PDE11A: variants seen among roughly 807,000 people sequenced by gnomAD.
PDE11A encodes the protein dual 3',5'-cyclic-AMP and -GMP phosphodiesterase 11A.
In PDE11A, 100 loss-of-function variants were observed where a neutral mutation model predicts 100.5. The observed-to-expected ratio is 1.00, with a 90% CI of 0.85 to 1.18. PDE11A has a LOEUF of 1.18. Ranked by LOEUF, PDE11A falls within the 50% of genes most tolerant of loss-of-function variation. The pLI is 0.00. For missense variants in PDE11A, 1,141 were observed against 1,152.6 expected (o/e 0.99, Z 0.15); for synonymous variants, 381 against 420.8 (o/e 0.91, Z 1.16).
Position 177,824,750 on chromosome 2 carries a change from C to T in PDE11A, c.1501-4455G>A, listed in dbSNP as rs1051710033. ...GCAGTTGGTTAAGTAAATCATAGCA[C>T]ATTCACATAACAGAATATTATGCAT... On this transcript the variant is annotated intron_variant, in intron 6 of 19. Transcript: ENST00000286063. Among the ~76,000 whole-genome samples, 8 of 152,116 alleles carry T rather than the reference C, an allele frequency of 5.3e-5. 1 individual carries two copies. The South Asian group carries it at 1.7e-3, about 32-fold the overall frequency.
At chr2:177,700,402 CA>C (rs3056937) in intron 14 of PDE11A, among the ~76,000 whole-genome samples, 26,894 of 144,664 alleles carry the variant, frequency 0.19, 2,415 homozygotes, top group Middle Eastern at 0.32. Flanking sequence ...TTCCTGGCCT[CA>C]AAAAAAAAAA....
intron 13 of PDE11A, among the ~76,000 whole-genome samples, chr2:177,708,905 A>G (rs1392135036): frequency 1.3e-5 from 2 of 152,236 alleles, no homozygotes; most frequent in Non-Finnish European, 2.9e-5. Context: ...CAACCAGGGC[A>G]TAGGAAATTG....
At chr2:177,857,188 C>T (rs2083851151) in intron 5 of PDE11A, among the ~76,000 whole-genome samples, 1 of 151,914 alleles carries the variant, frequency 6.6e-6, no homozygotes, top group Non-Finnish European at 1.5e-5. Context: ...ACCAAGAATT[C>T]TATATCCACT....
chr2:177,709,906 C>T (rs139483666), intron 13 of PDE11A, among the ~76,000 whole-genome samples: 10 of 152,194 alleles, frequency 6.6e-5, no homozygotes, highest in East Asian at 1.9e-4. Context: ...TGATTGGAAC[C>T]GGAAGCCATG....
In PDE11A at chr2:177,750,376, CTGAGA is replaced by C. The variant is rs150941662; in HGVS notation, c.1788+18942_1788+18946del. On this transcript the variant is annotated intron_variant, in intron 10 of 19. Transcript: ENST00000286063. ...AAAGTGACTTGCTCTTTGGAAATTC[CTGAGA>C]TAAGTCTTTATTGCAACTATTATTT... 1.9e-3 allele frequency among the ~76,000 whole-genome samples: 283 copies of C among 152,340 alleles called. 1 individual carries two copies. The highest frequency in any genetic ancestry group is 6.2e-3 in the African/African-American group (256 of 41,572).
intron 19 of PDE11A, among the ~76,000 whole-genome samples, chr2:177,644,027 T>A (rs570470609): frequency 6.6e-6 from 1 of 152,206 alleles, no homozygotes; most frequent in Non-Finnish European, 1.5e-5. Flanking sequence ...CAGAAGGAAG[T>A]CTTCTGCAGG....
At position 177,711,027 on chromosome 2, in the gene PDE11A, C is replaced by T. The variant is rs1010327076; in HGVS notation, c.2153+742G>A. Reference sequence around the variant, plus strand: ...AGGCAGACAGTGAAAGAAACATTAACGGCAGACTCTCAATATACAAGTCAG... The same window carrying T: ...AGGCAGACAGTGAAAGAAACATTAATGGCAGACTCTCAATATACAAGTCAG... On this transcript the variant is annotated intron_variant, in intron 13 of 19. Transcript: ENST00000286063. 4.6e-5 allele frequency among the ~76,000 whole-genome samples: 7 copies of T among 152,308 alleles called. No homozygotes were observed. The East Asian group carries it at 7.7e-4, about 17-fold the overall frequency.
At chr2:177,693,700 A>G (rs982152601) in intron 15 of PDE11A, among the ~76,000 whole-genome samples, 1 of 152,214 alleles carries the variant, frequency 6.6e-6, no homozygotes, top group Non-Finnish European at 1.5e-5. Flanking sequence ...TGATTCTTCC[A>G]TTAGAGAGGG....
At chr2:178,106,120 T>G (rs1319688335) in intron 1 of PDE11A, among the ~76,000 whole-genome samples, 1 of 152,228 alleles carries the variant, frequency 6.6e-6, no homozygotes, top group Non-Finnish European at 1.5e-5. Flanking sequence ...TTAACTACAA[T>G]TCATAAATTG....
chr2:177,985,929 C>G (rs930220006), intron 2 of PDE11A, among the ~76,000 whole-genome samples: 2 of 152,172 alleles, frequency 1.3e-5, no homozygotes, highest in African/African-American at 4.8e-5. Context: ...TGATCTTTAA[C>G]CAAAACCCTT....
chr2:177,728,614 C>T (rs1417221721), intron 10 of PDE11A, among the ~76,000 whole-genome samples: 1 of 152,130 alleles, frequency 6.6e-6, no homozygotes, highest in Admixed American at 6.5e-5. Context: ...TTTCTTATAT[C>T]CTTATATCCT....
intron 9 of PDE11A, among the ~76,000 whole-genome samples, chr2:177,787,922 T>C (rs2082563517): frequency 6.6e-6 from 1 of 151,960 alleles, no homozygotes; most frequent in African/African-American, 2.4e-5. Flanking sequence ...GACTTAGACT[T>C]CCACACAATA....
At chr2:178,096,041 G>A (rs1405546885) in intron 2 of PDE11A, among the ~76,000 whole-genome samples, 1 of 152,112 alleles carries the variant, frequency 6.6e-6, no homozygotes, top group Non-Finnish European at 1.5e-5. Flanking sequence ...TTTCTGACAT[G>A]CCCTGGAGAC....
intron 2 of PDE11A, among the ~76,000 whole-genome samples, chr2:177,956,532 C>A (rs1574306562): frequency 6.6e-6 from 1 of 152,016 alleles, no homozygotes; most frequent in Non-Finnish European, 1.5e-5. Flanking sequence ...ACTAGAAATA[C>A]CATTTGACCC....
At chr2:177,971,305 C>A (rs1197139150) in intron 2 of PDE11A, among the ~76,000 whole-genome samples, 17 of 152,116 alleles carry the variant, frequency 1.1e-4, no homozygotes, top group Admixed American at 1.1e-3. Flanking sequence ...GATTTTCTCC[C>A]ACACAAACTG....
At chr2:177,731,578 C>T (rs1375796283) in intron 10 of PDE11A, among the ~76,000 whole-genome samples, 4 of 152,300 alleles carry the variant, frequency 2.6e-5, no homozygotes, top group African/African-American at 7.2e-5. Flanking sequence ...GATTCCCTAA[C>T]CCAAAGACCC....
chr2:177,634,680 G>T (rs1403791785), intron 19 of PDE11A, among the ~76,000 whole-genome samples: 1 of 152,094 alleles, frequency 6.6e-6, no homozygotes, highest in Admixed American at 6.6e-5. Context: ...GAGCCACCGC[G>T]CCCGGCCGAC....
chr2:177,881,635 C>A (rs1397586413), intron 4 of PDE11A, among the ~76,000 whole-genome samples: 1 of 152,236 alleles, frequency 6.6e-6, no homozygotes, highest in Admixed American at 6.5e-5. Context: ...CATCTGCCAG[C>A]CTCTCAGTCC....
intron 2 of PDE11A, among the ~76,000 whole-genome samples, chr2:177,955,804 T>C (rs1466530925): frequency 3.9e-5 from 6 of 152,124 alleles, no homozygotes; most frequent in Non-Finnish European, 5.9e-5. Flanking sequence ...AAACAAGCAA[T>C]GGGGAAAGGA....
Sources: allele counts gnomAD v4.1 joint callset (sites outside exome capture counted in the v4.1 genomes callset), GRCh38; gene constraint gnomAD v4.1.1; transcripts MANE v1.5; gene names NCBI Gene and HGNC (gene_info 2026-07-23, HGNC 2026-07-21).